Variants in KLF12 observed in about 807,000 individuals in gnomAD.
KLF12 encodes the protein Krueppel-like factor 12.
Under a neutral mutation model 37.8 loss-of-function variants are expected in KLF12, and 9 were observed. That is an observed-to-expected ratio of 0.24 (90% CI 0.14 to 0.42). The LOEUF (loss-of-function observed/expected upper bound fraction) is 0.42. KLF12 is among the 10% of genes least tolerant of loss of function. The probability of loss-of-function intolerance (pLI) is 1.00; values close to 1 mark genes in which losing one functional copy is unlikely to be tolerated. For missense variants in KLF12, 411 were observed against 516.0 expected (o/e 0.80, Z 1.97); for synonymous variants, 208 against 202.1 (o/e 1.03, Z -0.25).
At chr13:74,125,754 C>T (rs532225020) in intron 1 of KLF12, among the ~76,000 whole-genome samples, 4 of 152,212 alleles carry the variant, frequency 2.6e-5, no homozygotes, top group South Asian at 4.1e-4. Flanking sequence ...TTGTAGTAAA[C>T]GTATTCTAGT....
chr13:74,165,624 C>G, the KLF12 span, among the ~76,000 whole-genome samples: 1 of 152,100 alleles, frequency 6.6e-6, no homozygotes, highest in Non-Finnish European at 1.5e-5. Context: ...TGCACTTGTT[C>G]CGTGGTTGCA....
intron 7 of KLF12, among the ~76,000 whole-genome samples, chr13:73,704,900 A>T (rs1874824854): frequency 6.6e-6 from 1 of 152,228 alleles, no homozygotes; most frequent in Admixed American, 6.5e-5. Context: ...TTTAATTTAA[A>T]TACTTTGTTC....
chr13:73,852,110 A>G (rs551371368), intron 3 of KLF12, among the ~76,000 whole-genome samples: 257 of 152,280 alleles, frequency 1.7e-3, no homozygotes, highest in African/African-American at 5.9e-3. Context: ...ACTTTCCTCT[A>G]TTCTTTTGTA....
chr13:74,241,094 G>C, the KLF12 span, among the ~76,000 whole-genome samples: 434 of 151,946 alleles, frequency 2.9e-3, no homozygotes, highest in African/African-American at 9.6e-3. Context: ...TTTGGTCTTT[G>C]ATGATGGTGA....
the KLF12 span, among the ~76,000 whole-genome samples, chr13:74,222,923 A>G: frequency 6.6e-6 from 1 of 152,370 alleles, no homozygotes; most frequent in East Asian, 1.9e-4. Context: ...CAACAACTGA[A>G]TTTAATAAAA....
At chr13:73,702,028 A>AC (rs1491482308) in intron 7 of KLF12, among the ~76,000 whole-genome samples, 10 of 151,582 alleles carry the variant, frequency 6.6e-5, no homozygotes, top group South Asian at 4.2e-4. Context: ...ACACACACAC[A>AC]AAAAAAGGGT....
chr13:74,175,967 C>A, the KLF12 span, among the ~76,000 whole-genome samples: 1 of 152,208 alleles, frequency 6.6e-6, no homozygotes, highest in Non-Finnish European at 1.5e-5. Context: ...CTCCCCTGGG[C>A]AGCCTCCTAC....
intron 7 of KLF12, among the ~76,000 whole-genome samples, chr13:73,700,294 T>A (rs1002180205): frequency 6.0e-5 from 9 of 151,022 alleles, no homozygotes; most frequent in African/African-American, 1.9e-4. Flanking sequence ...ATTAATTAAT[T>A]AATTAAAAAG....
chr13:73,788,543 G>A (rs1881486178), intron 5 of KLF12, among the ~76,000 whole-genome samples: 1 of 152,146 alleles, frequency 6.6e-6, no homozygotes, highest in African/African-American at 2.4e-5. Flanking sequence ...GCCAAGGGCT[G>A]TTCTGTAAAG....
intron 3 of KLF12, among the ~76,000 whole-genome samples, chr13:73,912,153 A>G (rs1332047658): frequency 6.6e-6 from 1 of 152,088 alleles, no homozygotes; most frequent in African/African-American, 2.4e-5. Flanking sequence ...TCTTTTTCTC[A>G]GTTCATTATG....
chr13:73,906,799 G>T (rs929423649), intron 3 of KLF12, among the ~76,000 whole-genome samples: 1 of 152,176 alleles, frequency 6.6e-6, no homozygotes, highest in Non-Finnish European at 1.5e-5. Context: ...CTAGCGAGGG[G>T]ATTTCTGTCT....
At chr13:74,025,563 T>TAA (rs113282471) in intron 1 of KLF12, among the ~76,000 whole-genome samples, 34 of 140,410 alleles carry the variant, frequency 2.4e-4, no homozygotes, top group African/African-American at 8.5e-4. Context: ...TGTTCAGAGT[T>TAA]AAAAAAAAAA....
At chr13:73,727,533 T>C (rs1372859074) in intron 6 of KLF12, among the ~76,000 whole-genome samples, 2 of 152,340 alleles carry the variant, frequency 1.3e-5, no homozygotes, top group South Asian at 2.1e-4. Flanking sequence ...CCTGGATTCT[T>C]ACTTCTATTC....
the KLF12 span, among the ~76,000 whole-genome samples, chr13:74,244,171 T>G: frequency 1.3e-5 from 2 of 152,186 alleles, no homozygotes; most frequent in African/African-American, 4.8e-5. Context: ...AATATCATCT[T>G]TGGTAATTGT....
At chr13:74,170,656 C>T in the KLF12 span, among the ~76,000 whole-genome samples, 1 of 152,136 alleles carries the variant, frequency 6.6e-6, no homozygotes, top group Non-Finnish European at 1.5e-5. Context: ...TCATCAGCCT[C>T]AGATGATTAT....
At chr13:73,955,112 T>C (rs1890792257) in intron 2 of KLF12, among the ~76,000 whole-genome samples, 1 of 152,210 alleles carries the variant, frequency 6.6e-6, no homozygotes, top group African/African-American at 2.4e-5. Context: ...TTTTTAAGAC[T>C]TCAAAGAGGC....
chr13:74,216,841 T>A, the KLF12 span, among the ~76,000 whole-genome samples: 1 of 152,186 alleles, frequency 6.6e-6, no homozygotes, highest in African/African-American at 2.4e-5. Context: ...TTAAATGTGA[T>A]TTATTGACAA....
chr13:73,932,149 G>C (rs1889715790), intron 3 of KLF12, among the ~76,000 whole-genome samples: 1 of 152,072 alleles, frequency 6.6e-6, no homozygotes, highest in Non-Finnish European at 1.5e-5. Context: ...TGAATTTACT[G>C]AAAAAGATAT....
At chr13:73,719,693 C>A (rs1483080774) in intron 6 of KLF12, among the ~76,000 whole-genome samples, 2 of 151,220 alleles carry the variant, frequency 1.3e-5, no homozygotes, top group Non-Finnish European at 2.9e-5. Context: ...ATCTTGAACT[C>A]CTGGACTCTA....
Sources: allele counts gnomAD v4.1 joint callset (sites outside exome capture counted in the v4.1 genomes callset), GRCh38; gene constraint gnomAD v4.1.1; transcripts MANE v1.5; gene names NCBI Gene and HGNC (gene_info 2026-07-23, HGNC 2026-07-21).